Variants in CACNG4 observed in about 807,000 individuals in gnomAD.
CACNG4 encodes calcium voltage-gated channel auxiliary subunit gamma 4.
Under a neutral mutation model 22.9 loss-of-function variants are expected in CACNG4, and 8 were observed. The observed-to-expected ratio is 0.35, with a 90% CI of 0.21 to 0.63. The LOEUF (loss-of-function observed/expected upper bound fraction) is 0.63. Among genes scored for constraint, CACNG4 ranks in the 30% least tolerant of loss-of-function variants. CACNG4 has a pLI of 0.72. For synonymous variants in CACNG4, 188 were observed against 191.9 expected (o/e 0.98, Z 0.17); for missense variants, 357 against 455.4 (o/e 0.78, Z 1.97).
intron 1 of CACNG4, among the ~76,000 whole-genome samples, chr17:66,994,339 A>AC (rs60241036): frequency 0.02 from 3,073 of 151,236 alleles, 120 homozygotes; most frequent in African/African-American, 0.071. Flanking sequence ...AAAAAAAAAA[A>AC]AAAAAACTGC....
chr17:66,972,433 C>G (rs961240948), intron 1 of CACNG4, among the ~76,000 whole-genome samples: 1 of 152,196 alleles, frequency 6.6e-6, no homozygotes, highest in East Asian at 1.9e-4. Context: ...GCACTGGAAC[C>G]AGTAGCGCTC....
intron 1 of CACNG4, among the ~76,000 whole-genome samples, chr17:66,978,487 A>G (rs2035251739): frequency 6.6e-6 from 1 of 152,072 alleles, no homozygotes; most frequent in Non-Finnish European, 1.5e-5. Flanking sequence ...TCCCCCACAC[A>G]CCAAAGCACA....
intron 1 of CACNG4, among the ~76,000 whole-genome samples, chr17:66,971,254 C>T (rs753256734): frequency 6.8e-6 from 1 of 146,814 alleles, no homozygotes; most frequent in Non-Finnish European, 1.5e-5. Flanking sequence ...GCCAGAAGAG[C>T]CTTGAGGAGG....
intron 1 of CACNG4, among the ~76,000 whole-genome samples, chr17:66,966,792 A>G (rs1196954526): frequency 3.9e-5 from 6 of 152,184 alleles, no homozygotes; most frequent in Non-Finnish European, 8.8e-5. Flanking sequence ...CACACAAAAG[A>G]GCCAGTGGGC....
At chr17:67,028,349 C>A (rs181201377) in intron 3 of CACNG4, among the ~76,000 whole-genome samples, 2 of 152,070 alleles carry the variant, frequency 1.3e-5, no homozygotes, top group South Asian at 4.1e-4. Context: ...CTCAGGAGAT[C>A]GAGACCATTC....
Position 67,032,730 on chromosome 17 carries a change from T to A in CACNG4, c.*1726T>A, listed in dbSNP as rs891379462. 6.5e-6 allele frequency: 1 copy of A among 152,810 alleles called. No individual in the cohort carries two copies. The highest frequency in any genetic ancestry group is 6.5e-5 in the Admixed American group (1 of 15,322). The allele number at this position is 152,810 out of a possible 1,614,324, so 9.5% of individuals were successfully genotyped here. A position where few individuals can be genotyped will look rare whatever the true frequency, so the allele number is the denominator to read the frequency against. On this transcript the variant is annotated 3_prime_UTR_variant, in exon 4 of 4. Transcript: ENST00000262138. ...GCCTTCGCTCCCATCAGGGTTGGCATCATCTGATGGCATGTCCAAGTGTGC... is the reference window on the plus strand; with the variant it reads ...GCCTTCGCTCCCATCAGGGTTGGCAACATCTGATGGCATGTCCAAGTGTGC...
In CACNG4 at chr17:67,031,110, A is replaced by C; in HGVS notation, c.*106A>C. The C allele has an allele frequency of 2.4e-6, 3 of 1,254,516 alleles. No homozygotes were observed. Among genetic ancestry groups the C allele is most frequent in the Non-Finnish European group, 3.3e-6 (3 of 899,566 alleles). 77.7% of individuals were successfully genotyped at this position (1,254,516 alleles called of 1,614,324 possible). On this transcript the variant is annotated 3_prime_UTR_variant, in exon 4 of 4. Transcript: ENST00000262138. This position sits in a 1 kb window ranked among gnomAD's most constrained non-coding sequence, Gnocchi z 4.0. ...ACGACGAACAATGAACTAAAGCCAAATGCAGCCCTCCCTGGCCTCCAGAGG... is the reference window on the plus strand; with the variant it reads ...ACGACGAACAATGAACTAAAGCCAACTGCAGCCCTCCCTGGCCTCCAGAGG...
At chr17:67,025,735 C>T (rs754389670) in intron 3 of CACNG4, among the ~76,000 whole-genome samples, 3 of 152,256 alleles carry the variant, frequency 2.0e-5, no homozygotes, top group South Asian at 2.1e-4. Flanking sequence ...GGCGTGGTGC[C>T]GCACACGTGG....
chr17:66,993,669 G>T lies in CACNG4; in HGVS notation c.221-24520G>T, dbSNP rs537537272. Among the ~76,000 whole-genome samples, 55 of 152,282 alleles carry T rather than the reference G, an allele frequency of 3.6e-4. 2 individuals carry two copies. The South Asian group carries it at 0.011, about 31-fold the overall frequency. ...CACCCAAGCTGGAGTGCAGTGGCGCGATCTCGGCTCATTGCAACCTCTGCC... is the reference window on the plus strand; with the variant it reads ...CACCCAAGCTGGAGTGCAGTGGCGCTATCTCGGCTCATTGCAACCTCTGCC... On this transcript the variant is annotated intron_variant, in intron 1 of 3. Transcript: ENST00000262138.
At chr17:67,023,151 CTG>C (rs1484816914) in intron 2 of CACNG4, among the ~76,000 whole-genome samples, 4 of 152,122 alleles carry the variant, frequency 2.6e-5, no homozygotes, top group Non-Finnish European at 5.9e-5. Context: ...CCCTTCTCCC[CTG>C]TGTCTTCTCC....
intron 1 of CACNG4, among the ~76,000 whole-genome samples, chr17:66,980,236 G>T: frequency 6.6e-6 from 1 of 152,194 alleles, no homozygotes; most frequent in East Asian, 1.9e-4. Flanking sequence ...TCCACATTGG[G>T]CTTCCATCCC....
intron 1 of CACNG4, among the ~76,000 whole-genome samples, chr17:66,971,101 A>C (rs1208724171): frequency 6.6e-6 from 1 of 152,064 alleles, no homozygotes; most frequent in Non-Finnish European, 1.5e-5. Flanking sequence ...TCATCTGAAA[A>C]TGGGGCCTGA....
At chr17:66,981,882 CTA>C (rs1406986182) in intron 1 of CACNG4, among the ~76,000 whole-genome samples, 3 of 152,134 alleles carry the variant, frequency 2.0e-5, no homozygotes, top group South Asian at 2.1e-4. Context: ...AATTACTTAA[CTA>C]TGATTTAATC....
rs368347072 is a variant in CACNG4 at position 66,973,909 on chromosome 17, C to T, written c.220+8778C>T. ...CCATGAGACTCCGGGAAGTGCTGCG[C>T]GAGACTCTCTTTTCTGAACTGCGAG... On this transcript the variant is annotated intron_variant, in intron 1 of 3. Transcript: ENST00000262138. Among the ~76,000 whole-genome samples the T allele has an allele frequency of 4.3e-4, 65 of 152,294 alleles. 1 individual carries two copies. The East Asian group carries it at 7.7e-3, about 18-fold the overall frequency.
intron 1 of CACNG4, among the ~76,000 whole-genome samples, chr17:66,980,884 C>A (rs1347729210): frequency 2.0e-5 from 3 of 151,964 alleles, no homozygotes; most frequent in Non-Finnish European, 4.4e-5. Context: ...CTCCCAAAGT[C>A]CTGGGATTAC....
intron 1 of CACNG4, among the ~76,000 whole-genome samples, chr17:66,994,382 G>C (rs540402928): frequency 6.9e-4 from 105 of 152,074 alleles, no homozygotes; most frequent in Non-Finnish European, 1.2e-3. Context: ...CATGGAAAAG[G>C]TGCCTCAGCA....
In CACNG4 at chr17:67,028,952, T is replaced by C. The variant is rs528099476; in HGVS notation, c.446-1514T>C. ...CATTTGTACCCTTACAGAGGGCACT[T>C]AGTGACTAAATTTAAAACACTAAAT... is the stretch of plus-strand genomic sequence containing the variant. On this transcript the variant is annotated intron_variant, in intron 3 of 3. Transcript: ENST00000262138. Among the ~76,000 whole-genome samples the C allele has an allele frequency of 1.6e-3, 241 of 152,354 alleles. 1 individual carries two copies. Among genetic ancestry groups the C allele is most frequent in the Middle Eastern group, 3.4e-3 (1 of 294 alleles).
At chr17:66,998,786 C>T (rs1226323003) in intron 1 of CACNG4, among the ~76,000 whole-genome samples, 1 of 152,226 alleles carries the variant, frequency 6.6e-6, no homozygotes, top group Admixed American at 6.5e-5. Context: ...GCCCTGCTTC[C>T]TCACCCCCAC....
At chr17:67,021,296 G>A (rs1472400585) in intron 2 of CACNG4, among the ~76,000 whole-genome samples, 6 of 150,988 alleles carry the variant, frequency 4.0e-5, no homozygotes, top group East Asian at 3.9e-4. Flanking sequence ...CTCTGCCTCC[G>A]GGTGGAGAAT....
Sources: allele counts gnomAD v4.1 joint callset (sites outside exome capture counted in the v4.1 genomes callset), GRCh38; gene constraint gnomAD v4.1.1; non-coding constraint Gnocchi (gnomAD v3.1); transcripts MANE v1.5; gene names NCBI Gene and HGNC (gene_info 2026-07-23, HGNC 2026-07-21).